UBE2R2: variants seen among roughly 807,000 people sequenced by gnomAD.
UBE2R2 encodes ubiquitin conjugating enzyme E2 R2.
UBE2R2 carries 1 observed loss-of-function variant against 27.8 expected under a neutral mutation model. The ratio of observed to expected loss-of-function variants is 0.04; its 90% CI spans 0.01 to 0.17. The LOEUF (loss-of-function observed/expected upper bound fraction) is 0.17, where lower values mean the gene tolerates loss of function less well. UBE2R2 is among the 10% of genes least tolerant of loss of function. The probability of loss-of-function intolerance (pLI) is 1.00; values close to 1 mark genes in which losing one functional copy is unlikely to be tolerated. For missense variants in UBE2R2, 100 were observed against 291.0 expected (o/e 0.34, Z 4.78); for synonymous variants, 106 against 113.3 (o/e 0.94, Z 0.41).
intron 1 of UBE2R2, among the ~76,000 whole-genome samples, chr9:33,858,895 G>A (rs1179859331): frequency 1.3e-5 from 2 of 152,054 alleles, no homozygotes; most frequent in African/African-American, 4.8e-5. Context: ...CGCAATCTCA[G>A]CTCACTGCAA....
chr9:33,860,505 C>A (rs1587451199), intron 1 of UBE2R2, among the ~76,000 whole-genome samples: 1 of 152,138 alleles, frequency 6.6e-6, no homozygotes, highest in East Asian at 1.9e-4. Flanking sequence ...TTCACAGATT[C>A]ATGGTTGTAT....
intron 1 of UBE2R2, among the ~76,000 whole-genome samples, chr9:33,828,934 C>T (rs1820380164): frequency 6.6e-6 from 1 of 152,026 alleles, no homozygotes; most frequent in Non-Finnish European, 1.5e-5. Context: ...GGGGTTTCAC[C>T]CTGTTGGCCA....
chr9:33,845,792 G>A (rs1197288357), intron 1 of UBE2R2, among the ~76,000 whole-genome samples: 4 of 151,960 alleles, frequency 2.6e-5, no homozygotes, highest in Non-Finnish European at 5.9e-5. Flanking sequence ...CAGATCATCT[G>A]AGGTCAGGAG....
chr9:33,864,395 A>G (rs1429846122), intron 1 of UBE2R2, among the ~76,000 whole-genome samples: 2 of 152,172 alleles, frequency 1.3e-5, no homozygotes, highest in African/African-American at 4.8e-5. Context: ...TATGTAACAC[A>G]TGGTAATAAT....
At chr9:33,827,598 G>A (rs1003518763) in intron 1 of UBE2R2, among the ~76,000 whole-genome samples, 35 of 151,816 alleles carry the variant, frequency 2.3e-4, no homozygotes, top group East Asian at 1.6e-3. Flanking sequence ...CTGAGATTGC[G>A]CCATTGCACT....
At chr9:33,859,791 TGTGTGTGTGAGAGAGAGAGA>T (rs1252504237) in intron 1 of UBE2R2, among the ~76,000 whole-genome samples, 1 of 109,900 alleles carries the variant, frequency 9.1e-6, no homozygotes, top group Non-Finnish European at 2.0e-5. Context: ...TGTGTGTGTG[TGTGTGTGTGAGAGAGAGAGA>T]GAGAGAGAGA....
chr9:33,876,239 G>C (rs1339496946), intron 1 of UBE2R2, among the ~76,000 whole-genome samples: 1 of 152,078 alleles, frequency 6.6e-6, no homozygotes, highest in Non-Finnish European at 1.5e-5. Context: ...GCATGCGCCT[G>C]TAGCTACTCG....
intron 1 of UBE2R2, among the ~76,000 whole-genome samples, chr9:33,871,833 C>T (rs768502597): frequency 4.6e-5 from 7 of 152,170 alleles, no homozygotes; most frequent in Non-Finnish European, 8.8e-5. Context: ...GCCTCAGCCT[C>T]CTGAGTAGCT....
rs779547265 is a variant in UBE2R2 at position 33,817,829 on chromosome 9, G to C, written c.72G>C (p.Pro24=). The C allele has an allele frequency of 6.2e-7, 1 of 1,612,760 alleles. No homozygotes were observed. The highest frequency in any genetic ancestry group is 8.5e-7 in the Non-Finnish European group (1 of 1,179,344). ...AGCTGAAATCCCTGCAGGAGGAACC[G>C]GTGGAGGGCTTCCGGATCACCCTGG... is the stretch of plus-strand genomic sequence containing the variant. ...MLELKSLQEE[P]VEGFRITLVD... The change falls in exon 1 of 5, where the codon CCG becomes CCC. Residue 24 remains proline (P), a synonymous_variant. Coordinates refer to ENST00000263228, the MANE Select transcript of UBE2R2 (RefSeq NM_017811.4).
intron 1 of UBE2R2, among the ~76,000 whole-genome samples, chr9:33,837,358 G>A (rs1820636362): frequency 6.6e-6 from 1 of 151,072 alleles, no homozygotes; most frequent in African/African-American, 2.4e-5. Context: ...GCACAGTGCT[G>A]TGATTACAGG....
chr9:33,818,243 G>A (rs534990094), intron 1 of UBE2R2, among the ~76,000 whole-genome samples: 1 of 152,144 alleles, frequency 6.6e-6, no homozygotes, highest in Non-Finnish European at 1.5e-5. Flanking sequence ...CTGAGGGTGG[G>A]TGGAAAGAGC....
At chr9:33,868,627 G>C (rs765002578) in intron 1 of UBE2R2, 1 of 152,330 alleles carries the variant, frequency 6.6e-6, no homozygotes, top group African/African-American at 2.4e-5. Flanking sequence ...TCCCGCCTCA[G>C]CTAGAGCTTT....
intron 3 of UBE2R2, among the ~76,000 whole-genome samples, chr9:33,904,749 C>T (rs566673646): frequency 9.2e-5 from 14 of 152,294 alleles, no homozygotes; most frequent in African/African-American, 3.4e-4. Flanking sequence ...AACCAGCATA[C>T]TTCTTTTGAA....
chr9:33,863,077 A>G (rs148796525), intron 1 of UBE2R2, among the ~76,000 whole-genome samples: 131 of 151,718 alleles, frequency 8.6e-4, no homozygotes, highest in Middle Eastern at 6.8e-3. Flanking sequence ...AATCCCAGCT[A>G]CTCAGGAGGC....
intron 3 of UBE2R2, among the ~76,000 whole-genome samples, chr9:33,907,269 T>C (rs2130816599): frequency 6.6e-6 from 1 of 152,336 alleles, no homozygotes; most frequent in Non-Finnish European, 1.5e-5. Flanking sequence ...GAGGTGCTTT[T>C]GCCTGTCCTT....
chr9:33,858,885 C>T (rs991088244), intron 1 of UBE2R2, among the ~76,000 whole-genome samples: 10 of 151,998 alleles, frequency 6.6e-5, no homozygotes, highest in Admixed American at 3.9e-4. Context: ...AGTGCAGTGG[C>T]GCAATCTCAG....
intron 1 of UBE2R2, among the ~76,000 whole-genome samples, chr9:33,858,355 A>G (rs999999527): frequency 1.3e-5 from 2 of 152,160 alleles, no homozygotes; most frequent in African/African-American, 4.8e-5. Context: ...GAGAACAATA[A>G]GTGTATTTTG....
intron 1 of UBE2R2, among the ~76,000 whole-genome samples, chr9:33,853,464 T>C (rs1031393704): frequency 6.6e-6 from 1 of 152,024 alleles, no homozygotes; most frequent in Non-Finnish European, 1.5e-5. Context: ...TTTGTAGTTT[T>C]AGTAGAGACG....
chr9:33,843,054 T>G (rs1301558508), intron 1 of UBE2R2, among the ~76,000 whole-genome samples: 1 of 126,940 alleles, frequency 7.9e-6, no homozygotes, highest in African/African-American at 2.6e-5. Flanking sequence ...TTTTTTTTTT[T>G]TTTTTTTTTT....
Sources: gnomAD v4.1 joint callset for allele counts (sites outside exome capture counted in the v4.1 genomes callset) on GRCh38, gnomAD v4.1.1 for gene constraint, MANE v1.5 for transcripts, NCBI Gene and HGNC (gene_info 2026-07-23, HGNC 2026-07-21) for gene names.